The following KAZN variants were observed in gnomAD, a reference collection of about 807,000 sequenced individuals.
KAZN encodes the protein kazrin, periplakin interacting protein, also known as kazrin.
Under a neutral mutation model 87.4 loss-of-function variants are expected in KAZN, and 40 were observed. That is an observed-to-expected ratio of 0.46 (90% CI 0.36 to 0.60). KAZN has a LOEUF of 0.60. Ranked by LOEUF, KAZN falls within the 20% of genes least tolerant of loss-of-function variation. The pLI is 0.00. For synonymous variants in KAZN, 466 were observed against 458.3 expected (o/e 1.02, Z -0.22); for missense variants, 898 against 1,073.9 (o/e 0.84, Z 2.29).
At chr1:14,427,917 G>A (rs1006282187) in intron 2 of KAZN, among the ~76,000 whole-genome samples, 12 of 152,166 alleles carry the variant, frequency 7.9e-5, no homozygotes, top group Admixed American at 6.6e-4. Flanking sequence ...AACAACTATA[G>A]CCGAAGAGTT....
intron 1 of KAZN, among the ~76,000 whole-genome samples, chr1:14,696,691 G>C (rs2148795596): frequency 6.6e-6 from 1 of 152,246 alleles, no homozygotes; most frequent in East Asian, 1.9e-4. Flanking sequence ...CCAAATGTCT[G>C]GGTCCCACTC....
At chr1:14,645,084 T>C (rs1414603561) in intron 1 of KAZN, among the ~76,000 whole-genome samples, 7 of 152,156 alleles carry the variant, frequency 4.6e-5, no homozygotes, top group Admixed American at 1.3e-4. Context: ...TTACTTTTGT[T>C]AGTTTTGTTG....
intron 1 of KAZN, among the ~76,000 whole-genome samples, chr1:14,156,780 T>A (rs1645602401): frequency 6.6e-6 from 1 of 152,186 alleles, no homozygotes; most frequent in Non-Finnish European, 1.5e-5. Flanking sequence ...TCTTGTTTTT[T>A]AGGCCATTCA....
In KAZN at chr1:14,996,452, G is replaced by T. The variant is rs1294335760; in HGVS notation, c.418+35577G>T. On this transcript the variant is annotated intron_variant, in intron 2 of 14. Coordinates refer to ENST00000376030, the MANE Select transcript of KAZN (RefSeq NM_201628.3). The surrounding 1 kb of genome is among the most constrained non-coding windows in gnomAD (Gnocchi z 5.9). Reference sequence around the variant, plus strand: ...CACTGTATCATCAGACCCGGCACAGGGCCTGGCCTACAGTGGGTGCCCCAG... The same window carrying T: ...CACTGTATCATCAGACCCGGCACAGTGCCTGGCCTACAGTGGGTGCCCCAG... 1.3e-5 allele frequency among the ~76,000 whole-genome samples: 2 copies of T among 152,170 alleles called. No homozygotes were observed. Among genetic ancestry groups the T allele is most frequent in the Non-Finnish European group, 2.9e-5 (2 of 68,028 alleles).
At chr1:14,257,001 G>A (rs1650569573) in intron 2 of KAZN, among the ~76,000 whole-genome samples, 1 of 152,136 alleles carries the variant, frequency 6.6e-6, no homozygotes, top group Non-Finnish European at 1.5e-5. Flanking sequence ...ATGTTTGACT[G>A]ACTGATCCTC....
At chr1:14,702,367 G>GTGTGTGT in intron 1 of KAZN, among the ~76,000 whole-genome samples, 1 of 52,730 alleles carries the variant, frequency 1.9e-5, no homozygotes, top group African/African-American at 6.4e-5. Flanking sequence ...TGTGTGTGTG[G>GTGTGTGT]ATTTCTCTGT....
intron 2 of KAZN, among the ~76,000 whole-genome samples, chr1:14,515,309 T>C (rs1030101782): frequency 1.3e-5 from 2 of 152,204 alleles, no homozygotes; most frequent in African/African-American, 4.8e-5. Flanking sequence ...GTTCCTCAGC[T>C]AGAAAATGGC....
intron 2 of KAZN, among the ~76,000 whole-genome samples, chr1:14,197,387 T>TA (rs35290614): frequency 0.056 from 5,759 of 102,234 alleles, 290 homozygotes; most frequent in African/African-American, 0.13. Flanking sequence ...AAGTAAATGT[T>TA]AAAAAAAAAA....
chr1:14,158,395 T>C (rs1401477512), intron 1 of KAZN, among the ~76,000 whole-genome samples: 1 of 152,134 alleles, frequency 6.6e-6, no homozygotes, highest in African/African-American at 2.4e-5. Flanking sequence ...GTTAAAAGAC[T>C]CTGATACATT....
At chr1:14,381,211 A>G (rs918695103) in intron 2 of KAZN, among the ~76,000 whole-genome samples, 16 of 152,196 alleles carry the variant, frequency 1.1e-4, no homozygotes, top group Admixed American at 9.8e-4. Flanking sequence ...AGGTATAACA[A>G]TTTTACATAT....
At chr1:14,696,530 A>G (rs7516395) in intron 1 of KAZN, among the ~76,000 whole-genome samples, 75,929 of 152,036 alleles carry the variant, frequency 0.5, 19,219 homozygotes, top group South Asian at 0.63. Flanking sequence ...GAAAGGAGTC[A>G]GGCAGGTGAG....
intron 2 of KAZN, among the ~76,000 whole-genome samples, chr1:14,986,104 T>G (rs764221594): frequency 6.6e-5 from 10 of 151,868 alleles, no homozygotes; most frequent in Non-Finnish European, 1.2e-4. Flanking sequence ...GAGAGTGGAT[T>G]GCAACATGTA....
intron 1 of KAZN, among the ~76,000 whole-genome samples, chr1:14,619,290 T>C (rs554103325): frequency 6.6e-6 from 1 of 152,130 alleles, no homozygotes; most frequent in African/African-American, 2.4e-5. Flanking sequence ...CTCAAACTCC[T>C]GGGCTCAAAC....
chr1:15,066,137 C>A lies in KAZN; in HGVS notation c.1222+384C>A, dbSNP rs906986947. The stretch of plus-strand genomic sequence containing the variant: ...TTCTTTTTCTTTTTGTTTGGTTCGT[C>A]GGTTTGTTTTTGTTTTTGTTTTTTT... On this transcript the variant is annotated intron_variant, in intron 8 of 14. Coordinates refer to ENST00000376030, the MANE Select transcript of KAZN (RefSeq NM_201628.3). The surrounding 1 kb of genome is among the most constrained non-coding windows in gnomAD (Gnocchi z 4.3). 1 of 1,062,098 alleles carries A rather than the reference C, an allele frequency of 9.4e-7. No individual in the cohort carries two copies. Among genetic ancestry groups the A allele is most frequent in the African/African-American group, 1.7e-5 (1 of 60,204 alleles). 65.8% of individuals were successfully genotyped at this position (1,062,098 alleles called of 1,614,324 possible).
intron 2 of KAZN, among the ~76,000 whole-genome samples, chr1:14,538,051 T>C (rs1272670490): frequency 1.3e-5 from 2 of 152,202 alleles, no homozygotes; most frequent in African/African-American, 2.4e-5. Flanking sequence ...CCCTCTGCTA[T>C]GCGACTTATT....
At chr1:14,095,488 A>C (rs1644106853) in intron 1 of KAZN, among the ~76,000 whole-genome samples, 1 of 152,224 alleles carries the variant, frequency 6.6e-6, no homozygotes, top group Admixed American at 6.5e-5. Flanking sequence ...CTACAGATCA[A>C]GAGCTCAGAC....
At chr1:14,576,489 A>G (rs1162240831) in intron 2 of KAZN, among the ~76,000 whole-genome samples, 3 of 152,200 alleles carry the variant, frequency 2.0e-5, no homozygotes, top group African/African-American at 7.2e-5. Context: ...GGATGGATGC[A>G]CTGATGGATG....
chr1:14,861,294 A>G (rs1420607747), intron 1 of KAZN, among the ~76,000 whole-genome samples: 1 of 152,182 alleles, frequency 6.6e-6, no homozygotes, highest in East Asian at 1.9e-4. Context: ...CGGGAGGATC[A>G]CTTGAACCCA....
intron 1 of KAZN, among the ~76,000 whole-genome samples, chr1:14,091,156 A>G (rs976013070): frequency 5.9e-5 from 9 of 151,706 alleles, no homozygotes; most frequent in Non-Finnish European, 8.8e-5. Context: ...TCCCTTTACA[A>G]ATTTACCTGT....
Sources: gnomAD v4.1 joint callset for allele counts (sites outside exome capture counted in the v4.1 genomes callset) on GRCh38, gnomAD v4.1.1 for gene constraint, Gnocchi (gnomAD v3.1) non-coding constraint, MANE v1.5 for transcripts, NCBI Gene and HGNC (gene_info 2026-07-23, HGNC 2026-07-21) for gene names.